Variants in SRSF10 observed in about 807,000 individuals in gnomAD.
SRSF10 encodes the protein serine/arginine-rich splicing factor 10.
Under a neutral mutation model 32.6 loss-of-function variants are expected in SRSF10, and 9 were observed. The ratio of observed to expected loss-of-function variants is 0.28; its 90% CI spans 0.17 to 0.48. The LOEUF is 0.48. Among genes scored for constraint, SRSF10 ranks in the 20% least tolerant of loss-of-function variants. The pLI is 0.99. For missense variants in SRSF10, 201 were observed against 331.8 expected (o/e 0.61, Z 3.06); for synonymous variants, 105 against 112.4 (o/e 0.93, Z 0.42).
rs1641514618 is a variant in SRSF10 at position 23,967,584 on chromosome 1, C to T, written c.*3558G>A. 2.7e-6 allele frequency: 2 copies of T among 743,704 alleles called. No homozygotes were observed. The highest frequency in any genetic ancestry group is 4.7e-6 in the Non-Finnish European group (2 of 426,420). 46.1% of individuals were successfully genotyped at this position (743,704 alleles called of 1,614,324 possible). A position where few individuals can be genotyped will look rare whatever the true frequency, so the allele number is the denominator to read the frequency against. Reference sequence around the variant, plus strand: ...CTTTTCAGACCAGAGTCAAAATATTCGTACAGTATTCATACTGCAGCACCT... The same window carrying T: ...CTTTTCAGACCAGAGTCAAAATATTTGTACAGTATTCATACTGCAGCACCT... On this transcript the variant is annotated 3_prime_UTR_variant, in exon 6 of 6. Coordinates refer to ENST00000492112, the MANE Select transcript of SRSF10 (RefSeq NM_054016.4).
chr1:23,980,147 T>C (rs1642375239), intron 1 of SRSF10, 44 bp downstream of exon 1: 1 of 1,523,490 alleles, frequency 6.6e-7, no homozygotes, highest in South Asian at 1.2e-5. Flanking sequence ...TCCAGGCGCC[T>C]GCGGCCTCCC....
rs1211563225 is a variant in SRSF10, at chr1:23,969,793, G to A, written c.*1349C>T. 4.8e-5 allele frequency: 47 copies of A among 985,274 alleles called. No homozygotes were observed. The highest frequency in any genetic ancestry group is 5.2e-4 in the Middle Eastern group (1 of 1,936). 61.0% of individuals were successfully genotyped at this position (985,274 alleles called of 1,614,324 possible). The stretch of plus-strand genomic sequence containing the variant: ...ACTGATAATCGAAAGCTCAAAAGAT[G>A]TGACTCTTGCTTAAAACTGACTAAT... On this transcript the variant is annotated 3_prime_UTR_variant, in exon 6 of 6. Coordinates refer to ENST00000492112, the MANE Select transcript of SRSF10 (RefSeq NM_054016.4).
rs759624155 is a variant in SRSF10 at position 23,973,264 on chromosome 1, G to A, written c.275-1252C>T. ...TCTCACCATCTAGTTTATCAGCCAA[G>A]ACCTGGTAACTGTTCTGACACTGGG... On this transcript the variant is annotated intron_variant, in intron 3 of 5. Transcript: ENST00000492112. Among the ~76,000 whole-genome samples the A allele has an allele frequency of 1.9e-3, 288 of 152,250 alleles. 1 individual carries two copies. Among genetic ancestry groups the A allele is most frequent in the Non-Finnish European group, 3.6e-3 (242 of 68,014 alleles).
In SRSF10 at chr1:23,980,305, C is replaced by G; in HGVS notation, c.-50G>C. 1 of 1,394,210 alleles carries G rather than the reference C, an allele frequency of 7.2e-7. No homozygotes were observed. The highest frequency in any genetic ancestry group is 1.5e-5 in the South Asian group (1 of 66,598). The allele number at this position is 1,394,210 out of a possible 1,614,324, so 86.4% of individuals were successfully genotyped here. A position where few individuals can be genotyped will look rare whatever the true frequency, so the allele number is the denominator to read the frequency against. On this transcript the variant is annotated 5_prime_UTR_variant, in exon 1 of 6. Coordinates refer to ENST00000492112, the MANE Select transcript of SRSF10 (RefSeq NM_054016.4). ...GCACTAACGGGCTCAGCAAACCGTC[C>G]GCGGCTCAGGCGGCCGAGCCTCAGA...
chr1:23,979,168 A>G (rs1642272721), intron 1 of SRSF10, among the ~76,000 whole-genome samples: 1 of 151,804 alleles, frequency 6.6e-6, no homozygotes, highest in South Asian at 2.1e-4. Context: ...CACACTTAAC[A>G]GTAGATAAAT....
Position 23,967,617 on chromosome 1 carries a change from A to C in SRSF10, c.*3525T>G. ...ATTCATACTGCAGCACCTTCCACCC[A>C]CCCTTTGGTCGCTTGAACTGCCCTT... On this transcript the variant is annotated 3_prime_UTR_variant, in exon 6 of 6. Coordinates refer to ENST00000492112, the MANE Select transcript of SRSF10 (RefSeq NM_054016.4). 1 of 1,127,358 alleles carries C rather than the reference A, an allele frequency of 8.9e-7. No homozygotes were observed. Among genetic ancestry groups the C allele is most frequent in the Non-Finnish European group, 1.4e-6 (1 of 740,206 alleles). 69.8% of individuals were successfully genotyped at this position (1,127,358 alleles called of 1,614,324 possible). A position where few individuals can be genotyped will look rare whatever the true frequency, so the allele number is the denominator to read the frequency against.
At position 23,969,673 on chromosome 1, in the gene SRSF10, G is replaced by A. The variant is rs1641630114; in HGVS notation, c.*1469C>T. 1 of 984,962 alleles carries A rather than the reference G, an allele frequency of 1.0e-6. No homozygotes were observed. Among genetic ancestry groups the A allele is most frequent in the African/African-American group, 1.7e-5 (1 of 57,240 alleles). The allele number at this position is 984,962 out of a possible 1,614,324, so 61.0% of individuals were successfully genotyped here. The stretch of plus-strand genomic sequence containing the variant: ...TTTATTCTGAAATGAAATTGGACAT[G>A]TCAAGTCACTTTTGTCCCCAAAACG... On this transcript the variant is annotated 3_prime_UTR_variant, in exon 6 of 6. Transcript: ENST00000492112.
At chr1:23,972,661 C>T (rs1641839124) in intron 3 of SRSF10, among the ~76,000 whole-genome samples, 2 of 151,362 alleles carry the variant, frequency 1.3e-5, no homozygotes, top group African/African-American at 2.4e-5. Context: ...AGGCTGGTCT[C>T]GAATTCCTGA....
At position 23,965,776 on chromosome 1, in the gene SRSF10, A is replaced by G. The variant is rs1299419323; in HGVS notation, c.*5366T>C. 3.3e-5 allele frequency: 5 copies of G among 152,068 alleles called. No homozygotes were observed. The highest frequency in any genetic ancestry group is 7.2e-5 in the African/African-American group (3 of 41,568). 9.4% of individuals were successfully genotyped at this position (152,068 alleles called of 1,614,324 possible). ...TACCAACTGTTGTTATTGTAGTTAT[A>G]TATGTATTTACCTAATTTTTTTTAA... On this transcript the variant is annotated 3_prime_UTR_variant, in exon 6 of 6. Transcript: ENST00000492112.
intron 3 of SRSF10, among the ~76,000 whole-genome samples, chr1:23,972,486 G>C (rs1641824422): frequency 6.6e-6 from 1 of 151,626 alleles, no homozygotes; most frequent in Non-Finnish European, 1.5e-5. Context: ...TGTTACCCAG[G>C]CTGGAATGCA....
At chr1:23,978,637 A>G in intron 2 of SRSF10, 76 bp downstream of exon 2, 1 of 1,510,068 alleles carries the variant, frequency 6.6e-7, no homozygotes, top group Admixed American at 2.1e-5. Flanking sequence ...ACTACTTTTT[A>G]GATGTTACCA....
At chr1:23,979,867 T>TA (rs1642344978) in intron 1 of SRSF10, among the ~76,000 whole-genome samples, 1 of 141,230 alleles carries the variant, frequency 7.1e-6, no homozygotes, top group Non-Finnish European at 1.5e-5. Flanking sequence ...TTCAAATCAA[T>TA]GGGGGGCGGC....
chr1:23,979,594 G>A (rs1404470511), intron 1 of SRSF10, among the ~76,000 whole-genome samples: 2 of 151,964 alleles, frequency 1.3e-5, no homozygotes, highest in African/African-American at 2.4e-5. Flanking sequence ...CTTTTCAAAG[G>A]GTGACCAGAA....
In SRSF10 at chr1:23,964,696, T is replaced by C. The variant is rs372022872; in HGVS notation, c.*6446A>G. On this transcript the variant is annotated 3_prime_UTR_variant, in exon 6 of 6. Transcript: ENST00000492112. ...TGGTTGCATTCTTGTAGGCAATTTG[T>C]AAAGCAAGAGGGACAGAGTGCATCT... The C allele has an allele frequency of 6.6e-6, 1 of 152,106 alleles. No individual in the cohort carries two copies. Among genetic ancestry groups the C allele is most frequent in the East Asian group, 1.9e-4 (1 of 5,186 alleles). 9.4% of individuals were successfully genotyped at this position (152,106 alleles called of 1,614,324 possible). A position where few individuals can be genotyped will look rare whatever the true frequency, so the allele number is the denominator to read the frequency against.
intron 5 of SRSF10, 57 bp downstream of exon 5, chr1:23,971,516 A>G: frequency 6.3e-7 from 1 of 1,592,832 alleles, no homozygotes; most frequent in Non-Finnish European, 8.5e-7. Context: ...TTTTAGAGCA[A>G]AAGTTCACTC....
At chr1:23,979,065 T>TC (rs1320711332) in intron 1 of SRSF10, 1 of 230,710 alleles carries the variant, frequency 4.3e-6, no homozygotes, top group Non-Finnish European at 8.3e-6. Context: ...TTGTTTTTTT[T>TC]TTTTTTTTTA....
rs1186584632 is a variant in SRSF10 at position 23,969,460 on chromosome 1, T to C, written c.*1682A>G. 1.2e-5 allele frequency: 12 copies of C among 985,348 alleles called. No homozygotes were observed. The African/African-American group carries it at 1.7e-4, about 14-fold the overall frequency. The allele number at this position is 985,348 out of a possible 1,614,324, so 61.0% of individuals were successfully genotyped here. A position where few individuals can be genotyped will look rare whatever the true frequency, so the allele number is the denominator to read the frequency against. The stretch of plus-strand genomic sequence containing the variant: ...GAAATACTATCAAATATACAAAGGT[T>C]CTAGAATCAATCCTTTAAACACATT... On this transcript the variant is annotated 3_prime_UTR_variant, in exon 6 of 6. Coordinates refer to ENST00000492112, the MANE Select transcript of SRSF10 (RefSeq NM_054016.4).
Position 23,964,519 on chromosome 1 carries a change from T to G in SRSF10, c.*6623A>C, listed in dbSNP as rs1468925260. On this transcript the variant is annotated 3_prime_UTR_variant, in exon 6 of 6. Transcript: ENST00000492112. ...GTAAATGCTGTAATTTCAATTTGTC[T>G]TCTTTTCGATGGCAGTTATACTATG... Among the ~76,000 whole-genome samples the G allele has an allele frequency of 2.0e-5, 3 of 152,030 alleles. No individual in the cohort carries two copies. Among genetic ancestry groups the G allele is most frequent in the Admixed American group, 6.6e-5 (1 of 15,258 alleles).
Position 23,971,081 on chromosome 1 carries a change from A to C in SRSF10, c.*61T>G. ...GCAACATTGTATTCCTGATAATTTAAGTAAACCAAACTATGAGTAAATGAA... is the reference window on the plus strand; with the variant it reads ...GCAACATTGTATTCCTGATAATTTACGTAAACCAAACTATGAGTAAATGAA... On this transcript the variant is annotated 3_prime_UTR_variant, in exon 6 of 6. Coordinates refer to ENST00000492112, the MANE Select transcript of SRSF10 (RefSeq NM_054016.4). 6.6e-7 allele frequency: 1 copy of C among 1,526,132 alleles called. No individual in the cohort carries two copies. The highest frequency in any genetic ancestry group is 8.8e-7 in the Non-Finnish European group (1 of 1,141,432). The allele number at this position is 1,526,132 out of a possible 1,614,324, so 94.5% of individuals were successfully genotyped here.
Sources: gnomAD v4.1 joint callset for allele counts (sites outside exome capture counted in the v4.1 genomes callset) on GRCh38, gnomAD v4.1.1 for gene constraint, MANE v1.5 for transcripts, NCBI Gene and HGNC (gene_info 2026-07-23, HGNC 2026-07-21) for gene names.